Variants in PRKN observed in about 807,000 individuals in gnomAD.
PRKN encodes the protein E3 ubiquitin-protein ligase parkin.
In PRKN, 56 loss-of-function variants were observed where a neutral mutation model predicts 59.5. The ratio of observed to expected loss-of-function variants is 0.94; its 90% CI spans 0.76 to 1.18. PRKN has a LOEUF of 1.18. Among genes scored for constraint, PRKN ranks in the 50% most tolerant of loss-of-function variants. PRKN has a pLI of 0.00. For synonymous variants in PRKN, 250 were observed against 222.1 expected, an observed-to-expected ratio of 1.13 and a Z score of -1.12; for missense variants, 657 against 596.4, an observed-to-expected ratio of 1.10 and a Z score of -1.06.
At chr6:162,003,055 T>C (rs2128263728) in intron 5 of PRKN, among the ~76,000 whole-genome samples, 1 of 152,180 alleles carries the variant, frequency 6.6e-6, no homozygotes, top group East Asian at 1.9e-4. Flanking sequence ...CTGGTGAATG[T>C]TTCATGATAG....
chr6:162,376,264 C>G (rs957236812), intron 2 of PRKN, among the ~76,000 whole-genome samples: 3 of 152,012 alleles, frequency 2.0e-5, no homozygotes, highest in Non-Finnish European at 4.4e-5. Context: ...CTTTACCCAT[C>G]CTAGAATACG....
At chr6:161,767,613 A>G (rs2128200990) in intron 7 of PRKN, among the ~76,000 whole-genome samples, 2 of 152,342 alleles carry the variant, frequency 1.3e-5, no homozygotes, top group East Asian at 3.9e-4. Flanking sequence ...ATGCCCATCT[A>G]AAGACACACA....
chr6:161,573,757 T>A (rs9456685), intron 7 of PRKN, among the ~76,000 whole-genome samples: 26 of 44,926 alleles, frequency 5.8e-4, no homozygotes, highest in Admixed American at 1.1e-3. Flanking sequence ...AAAAAAAAAA[T>A]ATATATATAT....
At chr6:162,676,263 G>A (rs868827718) in intron 1 of PRKN, among the ~76,000 whole-genome samples, 8 of 152,050 alleles carry the variant, frequency 5.3e-5, no homozygotes, top group African/African-American at 1.2e-4. Flanking sequence ...AAAGGAAAGC[G>A]CCAAGAAGGA....
At chr6:161,783,108 C>A (rs909487199) in intron 7 of PRKN, among the ~76,000 whole-genome samples, 1 of 152,044 alleles carries the variant, frequency 6.6e-6, no homozygotes, top group Non-Finnish European at 1.5e-5. Context: ...GTTGTGGGTG[C>A]ATTCCAAAGT....
intron 4 of PRKN, among the ~76,000 whole-genome samples, chr6:162,196,251 T>A (rs895009119): frequency 6.6e-6 from 1 of 152,014 alleles, no homozygotes; most frequent in Non-Finnish European, 1.5e-5. Flanking sequence ...TGCCATGGAG[T>A]CAAATTAACC....
intron 4 of PRKN, among the ~76,000 whole-genome samples, chr6:162,181,617 C>G (rs184892769): frequency 1.4e-3 from 215 of 152,192 alleles, no homozygotes; most frequent in Admixed American, 2.6e-3. Context: ...CATGGTACAC[C>G]TGAGATACAA....
intron 1 of PRKN, among the ~76,000 whole-genome samples, chr6:162,510,955 TATATAC>T (rs1777585705): frequency 8.3e-6 from 1 of 121,104 alleles, no homozygotes; most frequent in Admixed American, 8.4e-5. Flanking sequence ...AAACAAAACA[TATATAC>T]ATATATATAT....
At chr6:162,709,907 G>A (rs907558378) in intron 1 of PRKN, among the ~76,000 whole-genome samples, 1 of 151,884 alleles carries the variant, frequency 6.6e-6, no homozygotes, top group Non-Finnish European at 1.5e-5. Flanking sequence ...GGGGTGTGGT[G>A]GGTGGGAATA....
rs1410210701 is a variant in PRKN, at chr6:161,546,380, A to G, written c.1083+2474T>C. On this transcript the variant is annotated intron_variant, in intron 9 of 11. Transcript: ENST00000366898. The surrounding 1 kb of genome is among the most constrained non-coding windows in gnomAD (Gnocchi z 4.4). ...GCCACCCTTTTTAAATCACTGTGGA[A>G]TTCCTTTAGCATTCAAGTTAGGTGA... 6.6e-6 allele frequency among the ~76,000 whole-genome samples: 1 copy of G among 152,176 alleles called. No individual in the cohort carries two copies. Among genetic ancestry groups the G allele is most frequent in the Non-Finnish European group, 1.5e-5 (1 of 68,032 alleles).
intron 6 of PRKN, among the ~76,000 whole-genome samples, chr6:161,811,958 A>C (rs1458959424): frequency 1.3e-5 from 2 of 152,034 alleles, no homozygotes; most frequent in African/African-American, 4.8e-5. Flanking sequence ...ATTAAAAAAA[A>C]ATCTAGAAGG....
chr6:161,994,346 C>A (rs1272150334), intron 5 of PRKN, among the ~76,000 whole-genome samples: 1 of 151,752 alleles, frequency 6.6e-6, no homozygotes, highest in Non-Finnish European at 1.5e-5. Flanking sequence ...AAAACATCAA[C>A]AAACTAGGCA....
chr6:162,096,211 T>G lies in PRKN; in HGVS notation c.535-42037A>C, dbSNP rs551691329. On this transcript the variant is annotated intron_variant, in intron 4 of 11. Coordinates refer to ENST00000366898, the MANE Select transcript of PRKN (RefSeq NM_004562.3). ...GGATTTGTTTTACCACAGATTAGGA[T>G]GCACCCCAAACACCTTCTAGAATGT... 3.3e-5 allele frequency among the ~76,000 whole-genome samples: 5 copies of G among 152,288 alleles called. No homozygotes were observed. The East Asian group carries it at 9.6e-4, about 29-fold the overall frequency.
intron 2 of PRKN, among the ~76,000 whole-genome samples, chr6:162,384,651 A>AAAAC (rs1554311124): frequency 1.4e-5 from 2 of 144,060 alleles, no homozygotes; most frequent in South Asian, 2.4e-4. Flanking sequence ...AATTTGTAAA[A>AAAAC]AAAAAAAAAA....
intron 4 of PRKN, among the ~76,000 whole-genome samples, chr6:162,094,246 T>C (rs1326497683): frequency 6.6e-6 from 1 of 151,950 alleles, no homozygotes; most frequent in African/African-American, 2.4e-5. Context: ...GTCCAACACG[T>C]TGGGAGCCTG....
intron 9 of PRKN, among the ~76,000 whole-genome samples, chr6:161,420,751 T>A (rs370775816): frequency 6.6e-6 from 1 of 152,064 alleles, no homozygotes; most frequent in African/African-American, 2.4e-5. Context: ...CTCCAGTGAT[T>A]TCCCCCCCAC....
intron 7 of PRKN, among the ~76,000 whole-genome samples, chr6:161,641,948 G>GT (rs1783759570): frequency 6.6e-6 from 1 of 152,210 alleles, no homozygotes; most frequent in Admixed American, 6.5e-5. Flanking sequence ...GTTTCTGCTA[G>GT]TGTAAAGAGT....
chr6:162,279,201 G>A (rs1476889386), intron 2 of PRKN, among the ~76,000 whole-genome samples: 1 of 151,906 alleles, frequency 6.6e-6, no homozygotes, highest in African/African-American at 2.4e-5. Context: ...AGCCAGGGGT[G>A]GTGGCAGGAG....
At chr6:161,775,151 G>A (rs555693381) in intron 7 of PRKN, among the ~76,000 whole-genome samples, 65 of 152,144 alleles carry the variant, frequency 4.3e-4, no homozygotes, top group African/African-American at 1.2e-3. Context: ...CTTATAATAC[G>A]GATTGCCAAA....
Sources: allele counts gnomAD v4.1 joint callset (sites outside exome capture counted in the v4.1 genomes callset), GRCh38; gene constraint gnomAD v4.1.1; non-coding constraint Gnocchi (gnomAD v3.1); transcripts MANE v1.5; gene names NCBI Gene and HGNC (gene_info 2026-07-23, HGNC 2026-07-21).